Variants in DNAH5 observed in about 807,000 individuals in gnomAD.
The protein encoded by DNAH5 is axonemal beta dynein heavy chain 5.
DNAH5 carries 372 observed loss-of-function variants against 518.2 expected under a neutral mutation model. The ratio of observed to expected loss-of-function variants is 0.72; its 90% CI spans 0.66 to 0.78. The LOEUF (loss-of-function observed/expected upper bound fraction) is 0.78, where lower values mean the gene tolerates loss of function less well. Ranked by LOEUF, DNAH5 falls within the 30% of genes least tolerant of loss-of-function variation. The pLI is 0.00. For missense variants in DNAH5, 5,523 were observed against 5,687.0 expected (o/e 0.97, Z 0.93); for synonymous variants, 2,039 against 2,025.9 (o/e 1.01, Z -0.17).
chr5:14,005,533 A>C (rs1784663298), intron 1 of DNAH5, among the ~76,000 whole-genome samples: 1 of 152,198 alleles, frequency 6.6e-6, no homozygotes, highest in Non-Finnish European at 1.5e-5. Flanking sequence ...CAGCTCCTTG[A>C]GGGGTTAACA....
At chr5:13,911,352 C>A (rs763284069) in intron 12 of DNAH5, 34 bp downstream of exon 12, 2 of 1,529,672 alleles carry the variant, frequency 1.3e-6, no homozygotes, top group Non-Finnish European at 1.8e-6. Flanking sequence ...AATAAACACA[C>A]GACTGTCAAC....
chr5:13,918,873 A>G (rs898335963), intron 7 of DNAH5, among the ~76,000 whole-genome samples: 3 of 152,162 alleles, frequency 2.0e-5, no homozygotes, highest in African/African-American at 7.2e-5. Flanking sequence ...CATTATTATT[A>G]TTTCTAGCTG....
chr5:13,765,684 C>T (rs563268874), intron 59 of DNAH5, among the ~76,000 whole-genome samples: 1 of 152,114 alleles, frequency 6.6e-6, no homozygotes, highest in East Asian at 1.9e-4. Context: ...ATGCAAAATA[C>T]AAATATTTGT....
In DNAH5 at chr5:13,869,797, G is replaced by A. The variant is rs769538971; in HGVS notation, c.3834+970C>T. Among the ~76,000 whole-genome samples the A allele has an allele frequency of 1.6e-3, 235 of 151,606 alleles. 1 individual carries two copies. The highest frequency in any genetic ancestry group is 2.3e-3 in the Non-Finnish European group (155 of 67,926). ...TCTACAATGCTACTTTTTAATTAGG[G>A]AAAAAAGAGTTTGTTTGTTTGTTTG... On this transcript the variant is annotated intron_variant, in intron 24 of 78. Transcript: ENST00000265104.
At chr5:13,883,219 G>T (rs1771927213) in intron 19 of DNAH5, 125 bp from the exon 20 acceptor site, 2 of 1,056,624 alleles carry the variant, frequency 1.9e-6, no homozygotes, top group Non-Finnish European at 2.8e-6. Flanking sequence ...TTTGTTGAAT[G>T]AATGAGTCAA....
rs377355752 is a variant in DNAH5 at position 13,729,587 on chromosome 5, G to T, written c.11762-27C>A. ...TTTAAAATTAAATATTAAATTATCA[G>T]ATTTCCCTTCCTTCACTATAAAACA... On this transcript the variant is annotated intron_variant, in intron 68 of 78. Coordinates refer to ENST00000265104, the MANE Select transcript of DNAH5 (RefSeq NM_001369.3). 41 of 1,588,796 alleles carry T rather than the reference G, an allele frequency of 2.6e-5. No homozygotes were observed. In the African/African-American group the frequency reaches 4.8e-4, roughly 18 times the overall value.
At position 13,691,711 on chromosome 5, in the gene DNAH5, T is replaced by G. The variant is rs1399199692; in HGVS notation, c.*273A>C. 3.9e-5 allele frequency: 17 copies of G among 439,602 alleles called. No individual in the cohort carries two copies. The highest frequency in any genetic ancestry group is 4.6e-5 in the Non-Finnish European group (11 of 239,094). The allele number at this position is 439,602 out of a possible 1,614,324, so 27.2% of individuals were successfully genotyped here. On this transcript the variant is annotated 3_prime_UTR_variant, in exon 79 of 79. Coordinates refer to ENST00000265104, the MANE Select transcript of DNAH5 (RefSeq NM_001369.3). ...TTCGGAGCGAAGTAAGAAGAAAATA[T>G]ACTACTGTGGATTTGAGGGCCACAC... is the stretch of plus-strand genomic sequence containing the variant.
intron 1 of DNAH5, among the ~76,000 whole-genome samples, chr5:13,961,401 T>C (rs1382443216): frequency 6.6e-6 from 1 of 152,014 alleles, no homozygotes; most frequent in East Asian, 1.9e-4. Flanking sequence ...CCCAGCACTT[T>C]AGGAGGCTGA....
At chr5:13,931,030 G>C in intron 2 of DNAH5, 80 bp downstream of exon 2, 1 of 1,606,312 alleles carries the variant, frequency 6.2e-7, no homozygotes. Flanking sequence ...GGCACAGCAT[G>C]GGATCCTGCC....
intron 15 of DNAH5, among the ~76,000 whole-genome samples, chr5:13,896,920 A>G (rs1258959149): frequency 6.6e-6 from 1 of 152,140 alleles, no homozygotes; most frequent in Non-Finnish European, 1.5e-5. Context: ...TTTTACCTTG[A>G]TAATAGATGA....
In DNAH5 at chr5:13,793,991, ATCT is replaced by A. The variant is rs911023302; in HGVS notation, c.7952_7954del (p.Lys2651del). 4.3e-6 allele frequency: 7 copies of A among 1,614,072 alleles called. No homozygotes were observed. Among genetic ancestry groups the A allele is most frequent in the Non-Finnish European group, 5.9e-6 (7 of 1,179,974 alleles). On this transcript the variant is annotated inframe_deletion, in exon 48 of 79. Transcript: ENST00000265104. ...ATTCACATCATCAATAAAAACAGTC[ATCT>A]TCTTTCCCGCAGGAGGGCCATATGT...
At chr5:14,007,947 C>A (rs1385667612) in intron 1 of DNAH5, among the ~76,000 whole-genome samples, 1 of 151,222 alleles carries the variant, frequency 6.6e-6, no homozygotes, top group African/African-American at 2.4e-5. Flanking sequence ...CCGAGGTGAG[C>A]GGATCACCTG....
At chr5:13,851,037 C>T (rs1766764346) in intron 30 of DNAH5, among the ~76,000 whole-genome samples, 1 of 152,088 alleles carries the variant, frequency 6.6e-6, no homozygotes, top group Admixed American at 6.5e-5. Context: ...CCTTGGTACT[C>T]CCATTATGTT....
At position 13,770,972 on chromosome 5, in the gene DNAH5, G is replaced by A. The variant is rs377482522; in HGVS notation, c.9382C>T (p.His3128Tyr). 1.2e-6 allele frequency: 2 copies of A among 1,610,562 alleles called. No individual in the cohort carries two copies. The highest frequency in any genetic ancestry group is 1.3e-5 in the African/African-American group (1 of 74,800). Residue 3128 changes from histidine to tyrosine, a missense_variant, in exon 56 of 79, where the codon CAC becomes TAC. His to Tyr is a moderately conservative substitution (Grantham distance 83, BLOSUM62 2). Transcript: ENST00000265104. ...PKDALVAVSE[H>Y]FLTSYDIDCS... ...TCAATATCATAGGAAGTGAGGAAGT[G>A]TTCAGACACTAGAGAGAATAAAGAT... is the stretch of plus-strand genomic sequence containing the variant.
chr5:13,973,504 G>A (rs2152059066), intron 1 of DNAH5, among the ~76,000 whole-genome samples: 1 of 152,324 alleles, frequency 6.6e-6, no homozygotes, highest in East Asian at 1.9e-4. Context: ...TGCCAGCTGA[G>A]CTGCTCCTCT....
intron 38 of DNAH5, among the ~76,000 whole-genome samples, chr5:13,827,036 T>G (rs1006304890): frequency 1.3e-5 from 2 of 152,184 alleles, no homozygotes; most frequent in African/African-American, 4.8e-5. Context: ...TGTTGGGAAC[T>G]GGAGTGAAGG....
chr5:13,726,640 C>T lies in DNAH5; in HGVS notation c.12033+867G>A, dbSNP rs1393271. ...ACTGAAAGGAAAGGTGATCTCAGTG[C>T]CCCGAACTGTGAAACTCATTTTTCT... On this transcript the variant is annotated intron_variant, in intron 70 of 78. Coordinates refer to ENST00000265104, the MANE Select transcript of DNAH5 (RefSeq NM_001369.3). Among the ~76,000 whole-genome samples, 573 of 152,262 alleles carry T rather than the reference C, an allele frequency of 3.8e-3. 3 individuals carry two copies. Among genetic ancestry groups the T allele is most frequent in the African/African-American group, 0.013 (545 of 41,556 alleles).
At chr5:14,009,564 C>T (rs1365194982) in intron 1 of DNAH5, among the ~76,000 whole-genome samples, 1 of 152,188 alleles carries the variant, frequency 6.6e-6, no homozygotes, top group African/African-American at 2.4e-5. Flanking sequence ...ATTAGGGCTA[C>T]CAAAATCCTT....
chr5:14,006,234 G>A (rs1358079491), intron 1 of DNAH5, among the ~76,000 whole-genome samples: 1 of 152,148 alleles, frequency 6.6e-6, no homozygotes, highest in Admixed American at 6.5e-5. Flanking sequence ...ACCTCTTTGA[G>A]CCTCAATTTT....
Sources: gnomAD v4.1 joint callset for allele counts (sites outside exome capture counted in the v4.1 genomes callset) on GRCh38, gnomAD v4.1.1 for gene constraint, MANE v1.5 for transcripts, NCBI Gene and HGNC (gene_info 2026-07-23, HGNC 2026-07-21) for gene names.